Variants in ATP10A observed in about 807,000 individuals in gnomAD.
ATP10A encodes the protein ATPase phospholipid transporting 10A (putative), also known as phospholipid-transporting ATPase VA.
Under a neutral mutation model 147.8 loss-of-function variants are expected in ATP10A, and 111 were observed. The ratio of observed to expected loss-of-function variants is 0.75; its 90% CI spans 0.64 to 0.88. ATP10A has a LOEUF of 0.88. Among genes scored for constraint, ATP10A ranks in the 40% least tolerant of loss-of-function variants. The pLI is 0.00. For missense variants in ATP10A, 1,927 were observed against 1,959.0 expected, an observed-to-expected ratio of 0.98 and a Z score of 0.31; for synonymous variants, 875 against 841.6, an observed-to-expected ratio of 1.04 and a Z score of -0.69.
intron 2 of ATP10A, among the ~76,000 whole-genome samples, chr15:25,750,490 A>G (rs1256797786): frequency 1.3e-5 from 2 of 150,556 alleles, no homozygotes; most frequent in Non-Finnish European, 3.0e-5. Flanking sequence ...TCAATTGGAA[A>G]TTTGGATCTA....
intron 1 of ATP10A, among the ~76,000 whole-genome samples, chr15:25,813,628 T>C (rs868077749): frequency 1.3e-4 from 20 of 152,162 alleles, no homozygotes; most frequent in Admixed American, 1.3e-4. Flanking sequence ...GAAATATCCC[T>C]GTGTCCAAGA....
At chr15:25,779,730 G>C (rs1233877539) in intron 2 of ATP10A, among the ~76,000 whole-genome samples, 1 of 152,170 alleles carries the variant, frequency 6.6e-6, no homozygotes, top group African/African-American at 2.4e-5. Context: ...CTAAATGAGA[G>C]CACTCCATTA....
At position 25,736,311 on chromosome 15, in the gene ATP10A, A is replaced by G. The variant is rs115196050; in HGVS notation, c.655-170T>C. 2.6e-3 allele frequency among the ~76,000 whole-genome samples: 400 copies of G among 152,338 alleles called. 3 individuals carry two copies. Among genetic ancestry groups the G allele is most frequent in the African/African-American group, 9.2e-3 (382 of 41,580 alleles). On this transcript the variant is annotated intron_variant, in intron 2 of 20. Coordinates refer to ENST00000555815, the MANE Select transcript of ATP10A (RefSeq NM_024490.4). The stretch of plus-strand genomic sequence containing the variant: ...GCAACGCCTTCTCCACTGTATAATA[A>G]ATAACAGTTAATCATTTTATAACGA...
chr15:25,803,781 C>T (rs1891042940), intron 1 of ATP10A, among the ~76,000 whole-genome samples: 1 of 152,232 alleles, frequency 6.6e-6, no homozygotes. Flanking sequence ...TGATGGACAA[C>T]TCGCAAACCT....
chr15:25,845,131 C>T (rs1892960606), intron 1 of ATP10A, among the ~76,000 whole-genome samples: 1 of 152,254 alleles, frequency 6.6e-6, no homozygotes, highest in African/African-American at 2.4e-5. Flanking sequence ...GCCCCTCTGG[C>T]TGGTGCCTCT....
chr15:25,850,126 G>C (rs1893216132), intron 1 of ATP10A, among the ~76,000 whole-genome samples: 2 of 152,158 alleles, frequency 1.3e-5, no homozygotes, highest in South Asian at 4.1e-4. Context: ...TTTTGAAACT[G>C]TTCAGTGGAG....
intron 1 of ATP10A, among the ~76,000 whole-genome samples, chr15:25,820,822 CAG>C (rs1328491937): frequency 6.6e-6 from 1 of 151,994 alleles, no homozygotes; most frequent in Non-Finnish European, 1.5e-5. Context: ...ATAAGGCAAA[CAG>C]AAATAAATGT....
intron 1 of ATP10A, among the ~76,000 whole-genome samples, chr15:25,820,828 T>C (rs1280242559): frequency 6.6e-6 from 1 of 152,080 alleles, no homozygotes; most frequent in Non-Finnish European, 1.5e-5. Flanking sequence ...CAAACAGAAA[T>C]AAATGTAGGC....
intron 1 of ATP10A, among the ~76,000 whole-genome samples, chr15:25,820,535 A>T (rs1026583947): frequency 6.6e-6 from 1 of 152,230 alleles, no homozygotes; most frequent in Non-Finnish European, 1.5e-5. Context: ...GGAAAAATAA[A>T]TAGGTGAAAA....
intron 1 of ATP10A, among the ~76,000 whole-genome samples, chr15:25,823,013 T>C (rs1007934770): frequency 6.6e-6 from 1 of 152,186 alleles, no homozygotes; most frequent in Non-Finnish European, 1.5e-5. Context: ...ATAAGAACTA[T>C]TGATGCTTCT....
intron 1 of ATP10A, among the ~76,000 whole-genome samples, chr15:25,803,064 T>C (rs1311382652): frequency 6.6e-6 from 1 of 152,174 alleles, no homozygotes; most frequent in Admixed American, 6.5e-5. Context: ...GCTGAGTCTT[T>C]GTGAGGTGAG....
At chr15:25,722,431 C>T (rs985670064) in intron 6 of ATP10A, among the ~76,000 whole-genome samples, 1 of 152,164 alleles carries the variant, frequency 6.6e-6, no homozygotes, top group Non-Finnish European at 1.5e-5. Context: ...TTGTACAATG[C>T]AGAGGAAAGG....
At chr15:25,729,409 C>T (rs1902809194) in intron 3 of ATP10A, among the ~76,000 whole-genome samples, 1 of 152,174 alleles carries the variant, frequency 6.6e-6, no homozygotes, top group Admixed American at 6.5e-5. Flanking sequence ...TTCTGTATAT[C>T]TCCATGCAGC....
chr15:25,844,557 T>G (rs965181063), intron 1 of ATP10A, among the ~76,000 whole-genome samples: 1 of 152,238 alleles, frequency 6.6e-6, no homozygotes, highest in Non-Finnish European at 1.5e-5. Context: ...TCCATTTTCC[T>G]GTGAGCTTTT....
chr15:25,779,033 C>A (rs767423543), intron 2 of ATP10A, among the ~76,000 whole-genome samples: 2 of 151,972 alleles, frequency 1.3e-5, no homozygotes, highest in Non-Finnish European at 2.9e-5. Flanking sequence ...TGCGCCACCA[C>A]GCCCAGCTAA....
intron 1 of ATP10A, among the ~76,000 whole-genome samples, chr15:25,810,315 G>A (rs1044625633): frequency 9.2e-5 from 14 of 152,214 alleles, no homozygotes; most frequent in African/African-American, 3.1e-4. Context: ...AGAGCCCACA[G>A]GGAGGACAGC....
chr15:25,740,993 C>G (rs1230483195), intron 2 of ATP10A, among the ~76,000 whole-genome samples: 1 of 152,326 alleles, frequency 6.6e-6, no homozygotes, highest in South Asian at 2.1e-4. Flanking sequence ...CAGCATCAGG[C>G]GAAGTGCCCT....
chr15:25,861,906 G>T (rs888213740), intron 1 of ATP10A: 1 of 221,244 alleles, frequency 4.5e-6, no homozygotes, highest in African/African-American at 2.4e-5. Flanking sequence ...CTCTGGACAG[G>T]TCCGCCGGAG....
intron 16 of ATP10A, 141 bp from the exon 17 acceptor site, chr15:25,683,627 T>A: frequency 1.2e-6 from 1 of 805,930 alleles, no homozygotes; most frequent in South Asian, 1.8e-5. Context: ...AAGACAGCCA[T>A]GACCTTGAGC....
Sources: allele counts gnomAD v4.1 joint callset (sites outside exome capture counted in the v4.1 genomes callset), GRCh38; gene constraint gnomAD v4.1.1; transcripts MANE v1.5; gene names NCBI Gene and HGNC (gene_info 2026-07-23, HGNC 2026-07-21).